SLC31A1: variants seen among roughly 807,000 people sequenced by gnomAD.
The protein encoded by SLC31A1 is solute carrier family 31 member 1, also known as high affinity copper uptake protein 1.
SLC31A1 carries 5 observed loss-of-function variants against 17.2 expected under a neutral mutation model. The observed-to-expected ratio is 0.29, with a 90% CI of 0.15 to 0.61. The LOEUF is 0.61. Ranked by LOEUF, SLC31A1 falls within the 20% of genes least tolerant of loss-of-function variation. The pLI is 0.86. For synonymous variants in SLC31A1, 76 were observed against 78.8 expected (o/e 0.96, Z 0.19); for missense variants, 161 against 241.4 (o/e 0.67, Z 2.21).
intron 1 of SLC31A1, among the ~76,000 whole-genome samples, chr9:113,232,003 T>G (rs568377906): frequency 2.2e-4 from 34 of 152,330 alleles, no homozygotes; most frequent in African/African-American, 7.5e-4. Context: ...TCCAAATGTT[T>G]TCTTCAATGC....
chr9:113,237,088 TGG>T (rs1195243479), intron 1 of SLC31A1, among the ~76,000 whole-genome samples: 1 of 152,244 alleles, frequency 6.6e-6, no homozygotes. Flanking sequence ...GAAAGGCATT[TGG>T]GGCTTTTATG....
chr9:113,257,756 G>C (rs1831744695), intron 3 of SLC31A1, among the ~76,000 whole-genome samples: 1 of 152,184 alleles, frequency 6.6e-6, no homozygotes, highest in South Asian at 2.1e-4. Flanking sequence ...CCAAAGTGCT[G>C]GGATTACAGG....
At chr9:113,235,513 A>C (rs1190194201) in intron 1 of SLC31A1, among the ~76,000 whole-genome samples, 1 of 152,166 alleles carries the variant, frequency 6.6e-6, no homozygotes, top group Non-Finnish European at 1.5e-5. Flanking sequence ...ATATGGATGA[A>C]CCTCCCAAAA....
intron 1 of SLC31A1, among the ~76,000 whole-genome samples, chr9:113,225,667 T>A (rs1220986685): frequency 6.6e-6 from 1 of 152,210 alleles, no homozygotes; most frequent in Non-Finnish European, 1.5e-5. Context: ...ATGACTGTTT[T>A]GAAAGTAGAT....
At chr9:113,225,783 T>C (rs1238246222) in intron 1 of SLC31A1, among the ~76,000 whole-genome samples, 1 of 152,180 alleles carries the variant, frequency 6.6e-6, no homozygotes, top group Non-Finnish European at 1.5e-5. Flanking sequence ...TCATCTCTAC[T>C]GTTAATTCCT....
chr9:113,250,048 G>A (rs1831629464), intron 1 of SLC31A1, among the ~76,000 whole-genome samples: 1 of 151,410 alleles, frequency 6.6e-6, no homozygotes, highest in African/African-American at 2.4e-5. Context: ...GAGAGGATGT[G>A]GAGAAATAGG....
intron 1 of SLC31A1, among the ~76,000 whole-genome samples, chr9:113,249,930 C>G (rs2119008752): frequency 6.6e-6 from 1 of 152,134 alleles, no homozygotes; most frequent in African/African-American, 2.4e-5. Context: ...TGAAAAAATG[C>G]TCACCATCAC....
rs756340009 is a variant in SLC31A1, at chr9:113,258,099, T to C, written c.203-595T>C. ...GTTTTGAGGTAGATGATTACCCATC[T>C]GTTTGTGTCTATTATGTTGTATGGT... is the stretch of plus-strand genomic sequence containing the variant. On this transcript the variant is annotated intron_variant, in intron 3 of 4. Transcript: ENST00000374212. This position sits in a 1 kb window ranked among gnomAD's most constrained non-coding sequence, Gnocchi z 4.8. 2.0e-5 allele frequency among the ~76,000 whole-genome samples: 3 copies of C among 152,202 alleles called. No individual in the cohort carries two copies. The highest frequency in any genetic ancestry group is 4.4e-5 in the Non-Finnish European group (3 of 68,040).
At chr9:113,229,327 T>C (rs1167984461) in intron 1 of SLC31A1, among the ~76,000 whole-genome samples, 1 of 152,070 alleles carries the variant, frequency 6.6e-6, no homozygotes, top group African/African-American at 2.4e-5. Context: ...TCCCCCCAAC[T>C]CCCCTGCAGA....
chr9:113,233,985 T>C (rs1327536988), intron 1 of SLC31A1, among the ~76,000 whole-genome samples: 1 of 152,208 alleles, frequency 6.6e-6, no homozygotes, highest in Non-Finnish European at 1.5e-5. Context: ...GTCACCCTTC[T>C]GTGCTGTCAA....
chr9:113,259,516 T>C (rs1362824813), intron 4 of SLC31A1, among the ~76,000 whole-genome samples: 1 of 151,978 alleles, frequency 6.6e-6, no homozygotes, highest in African/African-American at 2.4e-5. Context: ...GGTCTCCTTA[T>C]CCCTAATTAA....
intron 1 of SLC31A1, among the ~76,000 whole-genome samples, chr9:113,248,462 CTTTTTTTTTT>C (rs34154634): frequency 1.2e-5 from 1 of 86,552 alleles, no homozygotes; most frequent in Non-Finnish European, 2.1e-5. Context: ...GAAAGCAGTC[CTTTTTTTTTT>C]TTTTTTTTTT....
intron 1 of SLC31A1, chr9:113,255,781 A>G (rs1831720143): frequency 1.2e-5 from 2 of 172,132 alleles, no homozygotes; most frequent in African/African-American, 4.8e-5. Context: ...TATTAGCACG[A>G]GTTCTTTCTC....
Position 113,226,323 on chromosome 9 carries a change from A to G in SLC31A1, c.-36+4645A>G, listed in dbSNP as rs1831342342. Among the ~76,000 whole-genome samples the G allele has an allele frequency of 2.0e-5, 3 of 152,132 alleles. No individual in the cohort carries two copies. The South Asian group carries it at 6.2e-4, about 32-fold the overall frequency. On this transcript the variant is annotated intron_variant, in intron 1 of 4. Transcript: ENST00000374212. ...GGGTTCCTGATGCCTGTACTCCCAC[A>G]TGCAGCTCTTAAATCCATTTTAAAA... is the stretch of plus-strand genomic sequence containing the variant.
Position 113,261,705 on chromosome 9 carries a change from A to G in SLC31A1, c.*1232A>G, listed in dbSNP as rs1314101858. ...ACCTGTAGGGCTTGTTAAAACACTA[A>G]TTGCTGGGCCTCAACCCAAAAGCCC... On this transcript the variant is annotated 3_prime_UTR_variant, in exon 5 of 5. Transcript: ENST00000374212. 4 of 152,608 alleles carry G rather than the reference A, an allele frequency of 2.6e-5. No homozygotes were observed. In the East Asian group the frequency reaches 7.7e-4, roughly 29 times the overall value. 9.5% of individuals were successfully genotyped at this position (152,608 alleles called of 1,614,324 possible).
intron 1 of SLC31A1, among the ~76,000 whole-genome samples, chr9:113,222,012 G>A (rs138384622): frequency 4.1e-4 from 62 of 152,294 alleles, no homozygotes; most frequent in South Asian, 2.1e-3. Flanking sequence ...TTACAGATAG[G>A]GAGACGAAGG....
chr9:113,244,706 T>C (rs995372112), intron 1 of SLC31A1, among the ~76,000 whole-genome samples: 3 of 152,120 alleles, frequency 2.0e-5, no homozygotes, highest in Non-Finnish European at 4.4e-5. Context: ...GTAGCCAGGT[T>C]TTATTGGAGA....
intron 1 of SLC31A1, among the ~76,000 whole-genome samples, chr9:113,222,436 C>A (rs58201577): frequency 0.085 from 11,598 of 135,790 alleles, 724 homozygotes; most frequent in East Asian, 0.34. Context: ...ATAAGTATTT[C>A]TTTGGTTAAC....
chr9:113,251,946 T>C (rs1831658661), intron 1 of SLC31A1, among the ~76,000 whole-genome samples: 1 of 152,230 alleles, frequency 6.6e-6, no homozygotes, highest in Non-Finnish European at 1.5e-5. Flanking sequence ...TAGGATTCCA[T>C]TACAATATAT....
Sources: gnomAD v4.1 joint callset for allele counts (sites outside exome capture counted in the v4.1 genomes callset) on GRCh38, gnomAD v4.1.1 for gene constraint, Gnocchi (gnomAD v3.1) non-coding constraint, MANE v1.5 for transcripts, NCBI Gene and HGNC (gene_info 2026-07-23, HGNC 2026-07-21) for gene names.